Variants in CCNJL observed in about 807,000 individuals in gnomAD.
The protein encoded by CCNJL is cyclin J like.
In CCNJL, 33 loss-of-function variants were observed where a neutral mutation model predicts 33.4. The observed-to-expected ratio is 0.99, with a 90% CI of 0.75 to 1.32. The LOEUF (loss-of-function observed/expected upper bound fraction) is 1.32, where lower values mean the gene tolerates loss of function less well. CCNJL is among the 40% of genes most tolerant of loss of function. CCNJL has a pLI of 0.00. For missense variants in CCNJL, 512 were observed against 499.7 expected, an observed-to-expected ratio of 1.02 and a Z score of -0.23; for synonymous variants, 227 against 220.9, an observed-to-expected ratio of 1.03 and a Z score of -0.24.
intron 2 of CCNJL, among the ~76,000 whole-genome samples, chr5:160,293,570 C>A (rs571446284): frequency 6.6e-6 from 1 of 152,136 alleles, no homozygotes; most frequent in Non-Finnish European, 1.5e-5. Context: ...TGTCGGCATG[C>A]GCATGTCCGG....
chr5:160,310,686 A>T (rs1192761208), intron 2 of CCNJL, among the ~76,000 whole-genome samples: 7 of 152,222 alleles, frequency 4.6e-5, no homozygotes, highest in Admixed American at 4.6e-4. Flanking sequence ...TAATTAAATT[A>T]TGATGACATC....
chr5:160,302,795 C>T (rs184628609), intron 2 of CCNJL, among the ~76,000 whole-genome samples: 152 of 150,908 alleles, frequency 1.0e-3, no homozygotes, highest in Non-Finnish European at 2.0e-3. Context: ...CTGGACAACA[C>T]AGTGAGACTC....
chr5:160,331,720 T>A (rs1192630520), intron 1 of CCNJL, among the ~76,000 whole-genome samples: 1 of 152,198 alleles, frequency 6.6e-6, no homozygotes, highest in Non-Finnish European at 1.5e-5. Context: ...CTGCACCAGA[T>A]CCTGTGCACT....
chr5:160,277,853 C>T (rs1762070606), intron 3 of CCNJL, among the ~76,000 whole-genome samples: 1 of 149,506 alleles, frequency 6.7e-6, no homozygotes, highest in Non-Finnish European at 1.5e-5. Context: ...TCAAGCAATT[C>T]TCCTGCCTCA....
At chr5:160,256,109 G>C (rs111811398) in intron 4 of CCNJL, among the ~76,000 whole-genome samples, 1 of 152,018 alleles carries the variant, frequency 6.6e-6, no homozygotes, top group Non-Finnish European at 1.5e-5. Flanking sequence ...GGCTGGTATC[G>C]AACTCCTGAG....
chr5:160,260,369 G>A (rs898231263), intron 3 of CCNJL, among the ~76,000 whole-genome samples: 5 of 152,160 alleles, frequency 3.3e-5, no homozygotes, highest in African/African-American at 1.2e-4. Context: ...AGGAAAGATC[G>A]GTAGGTGGGG....
chr5:160,257,872 GTCTTGT>G (rs1276157512), intron 4 of CCNJL, among the ~76,000 whole-genome samples: 2 of 149,868 alleles, frequency 1.3e-5, no homozygotes, highest in African/African-American at 4.9e-5. Flanking sequence ...TTTAGATGGA[GTCTTGT>G]TCTTGTTGCC....
intron 2 of CCNJL, among the ~76,000 whole-genome samples, chr5:160,297,855 A>G (rs2113412748): frequency 6.6e-6 from 1 of 152,366 alleles, no homozygotes; most frequent in South Asian, 2.1e-4. Flanking sequence ...TTTCAAAACC[A>G]AAAGTTAACA....
At position 160,280,599 on chromosome 5, in the gene CCNJL, T is replaced by A. The variant is rs757197305; in HGVS notation, c.206A>T (p.His69Leu). 2 of 1,613,270 alleles carry A rather than the reference T, an allele frequency of 1.2e-6. No homozygotes were observed. The highest frequency in any genetic ancestry group is 1.7e-6 in the Non-Finnish European group (2 of 1,179,964). Reference sequence around the variant, plus strand: ...GGTGACGTTGTAGCGATCCATGAAGTGGTCCAGCAGGTAGACGGCCAGGTG... The same window carrying A: ...GGTGACGTTGTAGCGATCCATGAAGAGGTCCAGCAGGTAGACGGCCAGGTG... ...ARHLAVYLLD[H>L]FMDRYNVTTS... Residue 69 changes from histidine to leucine, a missense_variant, in exon 3 of 6, where the codon CAC becomes CTC. His to Leu is a moderately conservative substitution (Grantham distance 99, BLOSUM62 -3). Transcript: ENST00000257536.
chr5:160,258,381 T>G, intron 4 of CCNJL: 1 of 783,428 alleles, frequency 1.3e-6, no homozygotes, highest in Non-Finnish European at 2.3e-6. Flanking sequence ...AGAATGAAGA[T>G]GTGAAAGAAG....
intron 2 of CCNJL, among the ~76,000 whole-genome samples, chr5:160,291,064 A>G (rs1197712247): frequency 5.4e-5 from 8 of 149,416 alleles, no homozygotes; most frequent in African/African-American, 1.5e-4. Flanking sequence ...AAAAAAAAGA[A>G]AGAAAGAGAG....
At chr5:160,338,762 G>A (rs1581026488) in intron 1 of CCNJL, among the ~76,000 whole-genome samples, 2 of 150,608 alleles carry the variant, frequency 1.3e-5, no homozygotes, top group South Asian at 4.3e-4. Context: ...CTCAGTAACT[G>A]TATTCATCCT....
At chr5:160,299,613 A>T (rs1022713858) in intron 2 of CCNJL, among the ~76,000 whole-genome samples, 2 of 64,598 alleles carry the variant, frequency 3.1e-5, no homozygotes, top group African/African-American at 1.3e-4. Context: ...TTGTTATGTT[A>T]AAAAAAAAAA....
upstream of CCNJL, among the ~76,000 whole-genome samples, chr5:160,314,105 G>T (rs1561810722): frequency 6.6e-6 from 1 of 152,218 alleles, no homozygotes; most frequent in Non-Finnish European, 1.5e-5. Flanking sequence ...GGAGGCGGAG[G>T]TTGCAGTGAG....
At chr5:160,300,060 G>A (rs1762876285) in intron 2 of CCNJL, among the ~76,000 whole-genome samples, 1 of 151,766 alleles carries the variant, frequency 6.6e-6, no homozygotes, top group South Asian at 2.1e-4. Context: ...CTTCCTCCTC[G>A]TGTCCCCCCA....
rs189489645 is a variant in CCNJL, at chr5:160,286,910, T to C, written c.67-6172A>G. On this transcript the variant is annotated intron_variant, in intron 2 of 5. Coordinates refer to ENST00000257536, the MANE Select transcript of CCNJL (RefSeq NM_001308173.3). ...TCCCCTTATTCTCTTGGTAGTCTTC[T>C]CTTTGTGGCCGAAAATTTACTTATT... Among the ~76,000 whole-genome samples, 8 of 152,292 alleles carry C rather than the reference T, an allele frequency of 5.3e-5. No homozygotes were observed. In the East Asian group the frequency reaches 1.5e-3, roughly 29 times the overall value.
At chr5:160,339,358 A>G in intron 1 of CCNJL, 1 of 314,504 alleles carries the variant, frequency 3.2e-6, no homozygotes, top group Non-Finnish European at 6.2e-6. Flanking sequence ...AACATGCAAA[A>G]CAAAAAAAAA....
At chr5:160,263,590 A>C (rs1417258902) in intron 3 of CCNJL, among the ~76,000 whole-genome samples, 1 of 152,192 alleles carries the variant, frequency 6.6e-6, no homozygotes, top group African/African-American at 2.4e-5. Flanking sequence ...AAATGACAGA[A>C]GCTGTTCTGT....
Position 160,254,528 on chromosome 5 carries a change from C to A in CCNJL, c.744-730G>T, listed in dbSNP as rs773372934. 3.9e-4 allele frequency: 169 copies of A among 434,066 alleles called. 1 individual carries two copies. Among genetic ancestry groups the A allele is most frequent in the Non-Finnish European group, 6.4e-4 (157 of 246,310 alleles). 26.9% of individuals were successfully genotyped at this position (434,066 alleles called of 1,614,324 possible). The stretch of plus-strand genomic sequence containing the variant: ...TTTCAGAGGAATGAGATAAAGACAG[C>A]TGCCAGCAAAGCTTCCCACATCGGG... On this transcript the variant is annotated intron_variant, in intron 5 of 5. Coordinates refer to ENST00000257536, the MANE Select transcript of CCNJL (RefSeq NM_001308173.3).
Sources: gnomAD v4.1 joint callset for allele counts (sites outside exome capture counted in the v4.1 genomes callset) on GRCh38, gnomAD v4.1.1 for gene constraint, MANE v1.5 for transcripts, NCBI Gene and HGNC (gene_info 2026-07-23, HGNC 2026-07-21) for gene names.